The following DMBT1 variants were observed in gnomAD, a reference collection of about 807,000 sequenced individuals.
DMBT1 encodes the protein scavenger receptor cysteine-rich domain-containing protein DMBT1.
In DMBT1, 198 loss-of-function variants were observed where a neutral mutation model predicts 252.9. That is an observed-to-expected ratio of 0.78 (90% CI 0.70 to 0.88). The LOEUF is 0.88. Among genes scored for constraint, DMBT1 ranks in the 40% least tolerant of loss-of-function variants. The pLI is 0.00. For missense variants in DMBT1, 2,432 were observed against 2,404.7 expected (o/e 1.01, Z -0.24); for synonymous variants, 990 against 942.7 (o/e 1.05, Z -0.92).
intron 52 of DMBT1, among the ~76,000 whole-genome samples, chr10:122,634,480 CTTTCTCTCTT>C (rs2098208922): frequency 1.3e-5 from 1 of 78,254 alleles, no homozygotes; most frequent in African/African-American, 6.0e-5. Flanking sequence ...CTCTCTCTCT[CTTTCTCTCTT>C]TTTCTTTCTT....
intron 54 of DMBT1, among the ~76,000 whole-genome samples, chr10:122,639,607 G>C (rs1419039655): frequency 6.6e-6 from 1 of 150,762 alleles, no homozygotes; most frequent in Admixed American, 6.6e-5. Context: ...CTTGTTTTGT[G>C]ATTCTTCAGT....
chr10:122,586,967 C>T (rs1403377499), intron 16 of DMBT1, among the ~76,000 whole-genome samples: 1 of 147,894 alleles, frequency 6.8e-6, no homozygotes, highest in Non-Finnish European at 1.5e-5. Flanking sequence ...AGTTTTCAAC[C>T]ACCAGCTCTT....
At chr10:122,630,022 G>A (rs753296951) in intron 47 of DMBT1, 29 bp downstream of exon 47, 2 of 1,612,844 alleles carry the variant, frequency 1.2e-6, no homozygotes, top group Non-Finnish European at 1.7e-6. Context: ...TCTGGTGAGG[G>A]GTGAGTTCCT....
intron 28 of DMBT1, among the ~76,000 whole-genome samples, 151 bp downstream of exon 28, chr10:122,601,174 G>C (rs534678386): frequency 0.014 from 374 of 27,038 alleles, 13 homozygotes; most frequent in African/African-American, 0.057. Context: ...AGGAGCCAGT[G>C]CTGGGTCTGA....
At chr10:122,624,387 G>A (rs2133648886) in intron 44 of DMBT1, among the ~76,000 whole-genome samples, 1 of 152,300 alleles carries the variant, frequency 6.6e-6, no homozygotes, top group South Asian at 2.1e-4. Flanking sequence ...ATGAAGAACA[G>A]GCTTCCGTCA....
intron 7 of DMBT1, 138 bp downstream of exon 7, chr10:122,576,860 C>T: frequency 1.9e-6 from 2 of 1,052,128 alleles, no homozygotes; most frequent in Non-Finnish European, 2.8e-6. Flanking sequence ...AACCCCATCT[C>T]TATTAAAAAA....
At chr10:122,560,963 A>G (rs1036364221) in intron 1 of DMBT1, 132 bp downstream of exon 1, 57 of 603,718 alleles carry the variant, frequency 9.4e-5, no homozygotes, top group Non-Finnish European at 1.5e-4. Flanking sequence ...GATAATTGTA[A>G]TTGTTTGCAG....
chr10:122,621,993 G>T (rs530624303), intron 44 of DMBT1, among the ~76,000 whole-genome samples: 1 of 152,320 alleles, frequency 6.6e-6, no homozygotes, highest in South Asian at 2.1e-4. Flanking sequence ...TTGTTATTAC[G>T]TGTGGTTTGG....
At chr10:122,634,429 CTTCTCTCTCT>C (rs1566006644) in intron 52 of DMBT1, among the ~76,000 whole-genome samples, 1 of 54,788 alleles carries the variant, frequency 1.8e-5, no homozygotes, top group Non-Finnish European at 3.3e-5. Flanking sequence ...CTCTCTCTCT[CTTCTCTCTCT>C]CTCTCTCTCT....
chr10:122,623,900 A>G (rs2098094269), intron 44 of DMBT1, among the ~76,000 whole-genome samples: 1 of 152,214 alleles, frequency 6.6e-6, no homozygotes, highest in South Asian at 2.1e-4. Flanking sequence ...ATTCTCAGGC[A>G]TAGGCACTGC....
chr10:122,562,432 G>A (rs937360594), intron 1 of DMBT1, among the ~76,000 whole-genome samples: 9 of 152,184 alleles, frequency 5.9e-5, no homozygotes, highest in African/African-American at 2.2e-4. Flanking sequence ...TGTGATGAGT[G>A]TGTGGAGGGA....
Position 122,618,290 on chromosome 10 carries a change from G to A in DMBT1, c.5165G>A (p.Trp1722Ter), listed in dbSNP as rs550822602. The change falls in exon 41 of 56, where the codon TGG (tryptophan) becomes TAG (stop). Residue 1722 changes from tryptophan (W) to a stop codon, truncating the protein, a stop_gained. Coordinates refer to ENST00000338354, the MANE Select transcript of DMBT1 (RefSeq NM_001377530.1). LOFTEE classifies it high-confidence loss of function. The part of the protein sequence containing the change: ...SYLWSCPHNG[W>*]LSHNCGHHED... Reference sequence around the variant, plus strand: ...CTGTGGAGCTGCCCCCACAATGGCTGGCTCTCCCACAACTGTGGCCATCAT... The same window carrying A: ...CTGTGGAGCTGCCCCCACAATGGCTAGCTCTCCCACAACTGTGGCCATCAT... 11 of 1,613,834 alleles carry A rather than the reference G, an allele frequency of 6.8e-6. No homozygotes were observed. In the South Asian group the frequency reaches 1.1e-4, roughly 16 times the overall value.
intron 41 of DMBT1, among the ~76,000 whole-genome samples, chr10:122,618,842 G>C (rs956449700): frequency 1.3e-5 from 2 of 152,246 alleles, no homozygotes; most frequent in Non-Finnish European, 2.9e-5. Flanking sequence ...GGCCTGCTTG[G>C]AGTCCTTGAC....
chr10:122,639,216 G>A (rs1336783069), intron 54 of DMBT1, among the ~76,000 whole-genome samples: 3 of 152,244 alleles, frequency 2.0e-5, no homozygotes, highest in Admixed American at 6.5e-5. Context: ...ACAGGCAAAT[G>A]TGACATCCAT....
rs753087620 is a variant in DMBT1 at position 122,618,331 on chromosome 10, A to G, written c.5206A>G (p.Ile1736Val). The G allele has an allele frequency of 6.8e-6, 11 of 1,613,868 alleles. No individual in the cohort carries two copies. In the South Asian group the frequency reaches 7.7e-5, roughly 11 times the overall value. ...TGGCCATCATGAAGATGCTGGTGTCATCTGCTCAGGTGGGCTTTCAAGACC... is the reference window on the plus strand; with the variant it reads ...TGGCCATCATGAAGATGCTGGTGTCGTCTGCTCAGGTGGGCTTTCAAGACC... ...NCGHHEDAGVICSAAQSQSTP... is the reference protein window; with the variant it reads ...NCGHHEDAGVVCSAAQSQSTP... The change falls in exon 41 of 56, where the codon ATC becomes GTC. Residue 1736 changes from isoleucine (I) to valine (V), a missense_variant. Transcript: ENST00000338354.
At chr10:122,636,983 A>C in intron 53 of DMBT1, 145 bp from the exon 54 acceptor site, 1 of 668,144 alleles carries the variant, frequency 1.5e-6, no homozygotes, top group Non-Finnish European at 2.5e-6. Flanking sequence ...GATTGCAGTG[A>C]GGTCTATGCC....
intron 10 of DMBT1, among the ~76,000 whole-genome samples, chr10:122,580,132 A>G (rs1168311526): frequency 1.3e-5 from 2 of 152,186 alleles, no homozygotes; most frequent in Admixed American, 6.5e-5. Flanking sequence ...TCCTGAGGCA[A>G]GGCAAGGAAG....
rs143242977 is a variant in DMBT1, at chr10:122,632,877, C to A, written c.6384C>A (p.Ile2128=). 1.6e-4 allele frequency: 251 copies of A among 1,613,942 alleles called. No homozygotes were observed. The African/African-American group carries it at 2.6e-3, about 16-fold the overall frequency. ...HLSTPAPFLN[I]TRPNTDYSCG... Reference sequence around the variant, plus strand: ...TGTCAACAGCTCCTTTTCTCAACATCACCCGTCCAAACAGTAAGTTCTGAG... The same window carrying A: ...TGTCAACAGCTCCTTTTCTCAACATAACCCGTCCAAACAGTAAGTTCTGAG... The change falls in exon 51 of 56, where the codon ATC becomes ATA. Residue 2128 remains isoleucine (I), a synonymous_variant. Coordinates refer to ENST00000338354, the MANE Select transcript of DMBT1 (RefSeq NM_001377530.1).
At chr10:122,632,960 G>A in intron 51 of DMBT1, 70 bp downstream of exon 51, 2 of 1,602,820 alleles carry the variant, frequency 1.2e-6, no homozygotes, top group Non-Finnish European at 1.7e-6. Context: ...TTTCCTCAGT[G>A]ACAATGGGGC....
Sources: gnomAD v4.1 joint callset for allele counts (sites outside exome capture counted in the v4.1 genomes callset) on GRCh38, gnomAD v4.1.1 for gene constraint, MANE v1.5 for transcripts, NCBI Gene and HGNC (gene_info 2026-07-23, HGNC 2026-07-21) for gene names.